Variants in LRRC7 observed in about 807,000 individuals in gnomAD.
LRRC7 encodes the protein leucine-rich repeat-containing protein 7.
Under a neutral mutation model 175.7 loss-of-function variants are expected in LRRC7, and 23 were observed. The ratio of observed to expected loss-of-function variants is 0.13; its 90% confidence interval spans 0.09 to 0.19. LRRC7 has a LOEUF of 0.19. Among genes scored for constraint, LRRC7 ranks in the 10% least tolerant of loss-of-function variants. The pLI, the probability that LRRC7 is intolerant of heterozygous loss-of-function variation, is 1.00. For missense variants in LRRC7, 1,354 were observed against 1,904.7 expected (o/e 0.71, Z 5.38); for synonymous variants, 685 against 680.9 (o/e 1.01, Z -0.09).
At position 70,032,395 on chromosome 1, in the gene LRRC7, TA is replaced by T. The variant is rs569370875; in HGVS notation, c.1996-3715del. ...TTTCTGATCCTTGGTTTCTTTATCTTAAAAAAAAAAAGCACAAAACAGAAAA... is the reference window on the plus strand; with the variant it reads ...TTTCTGATCCTTGGTTTCTTTATCTTAAAAAAAAAAGCACAAAACAGAAAA... On this transcript the variant is annotated intron_variant, in intron 18 of 26. Coordinates refer to ENST00000651989, the MANE Select transcript of LRRC7 (RefSeq NM_001370785.2). Among the ~76,000 whole-genome samples, 147 of 145,016 alleles carry T rather than the reference TA, an allele frequency of 1.0e-3. No individual in the cohort carries two copies. The Middle Eastern group carries it at 0.01, about 10-fold the overall frequency.
intron 2 of LRRC7, among the ~76,000 whole-genome samples, chr1:69,721,848 T>G (rs971487521): frequency 6.6e-6 from 1 of 151,926 alleles, no homozygotes; most frequent in Non-Finnish European, 1.5e-5. Flanking sequence ...AAAAGTATTT[T>G]ATTGTGTGAA....
chr1:69,944,939 T>G (rs562857191), intron 8 of LRRC7, among the ~76,000 whole-genome samples: 3 of 152,112 alleles, frequency 2.0e-5, no homozygotes, highest in Admixed American at 6.6e-5. Context: ...TTGCAAATAC[T>G]TTCTCCCATT....
chr1:69,707,050 G>T (rs1455231974), intron 2 of LRRC7, among the ~76,000 whole-genome samples: 1 of 152,204 alleles, frequency 6.6e-6, no homozygotes, highest in Admixed American at 6.5e-5. Context: ...TTTAGAGTGT[G>T]GTAGGATGTG....
At chr1:69,775,398 T>C (rs1672704998) in intron 3 of LRRC7, among the ~76,000 whole-genome samples, 1 of 152,200 alleles carries the variant, frequency 6.6e-6, no homozygotes, top group Admixed American at 6.5e-5. Context: ...CCCTGTCAAC[T>C]CCGAAAGGCT....
chr1:69,691,172 T>C (rs1170374263), intron 2 of LRRC7, among the ~76,000 whole-genome samples: 3 of 152,290 alleles, frequency 2.0e-5, no homozygotes, highest in East Asian at 1.9e-4. Context: ...GTGTTTAACA[T>C]TGAATGGGCT....
rs372306265 is a variant in LRRC7 at position 70,098,667 on chromosome 1, T to C, written c.4545+8848T>C. Among the ~76,000 whole-genome samples the C allele has an allele frequency of 4.2e-3, 639 of 151,674 alleles. 8 individuals are homozygous for C. The highest frequency in any genetic ancestry group is 0.015 in the African/African-American group (614 of 41,112). On this transcript the variant is annotated intron_variant, in intron 25 of 26. Transcript: ENST00000651989. ...ACCACTGATCCCACAGAAATACAAA[T>C]TACCATCAGAGAATACTACAAACAC... is the stretch of plus-strand genomic sequence containing the variant.
At chr1:69,735,184 G>T (rs1667980394) in intron 2 of LRRC7, among the ~76,000 whole-genome samples, 1 of 151,904 alleles carries the variant, frequency 6.6e-6, no homozygotes, top group Non-Finnish European at 1.5e-5. Flanking sequence ...AAGAAAATTT[G>T]TAATAATTCC....
chr1:69,796,153 G>A (rs1675739440), intron 4 of LRRC7, among the ~76,000 whole-genome samples: 3 of 120,502 alleles, frequency 2.5e-5, no homozygotes, highest in African/African-American at 3.3e-5. Context: ...GGTGTGTGAT[G>A]TTCCCCTTCC....
chr1:69,765,841 A>G (rs1192314144), intron 3 of LRRC7, among the ~76,000 whole-genome samples: 2 of 152,054 alleles, frequency 1.3e-5, no homozygotes, highest in African/African-American at 4.8e-5. Flanking sequence ...TAACCATCAT[A>G]GTTACTTTCT....
intron 3 of LRRC7, among the ~76,000 whole-genome samples, chr1:69,761,091 G>A (rs1670990188): frequency 6.6e-6 from 1 of 151,972 alleles, no homozygotes; most frequent in Non-Finnish European, 1.5e-5. Context: ...GATGATAAGA[G>A]ATTAGCTAAA....
intron 17 of LRRC7, among the ~76,000 whole-genome samples, chr1:70,024,872 A>G (rs1008304503): frequency 2.0e-5 from 3 of 152,190 alleles, no homozygotes; most frequent in African/African-American, 7.2e-5. Context: ...ACATAATACA[A>G]TGATAAATTA....
chr1:69,637,631 TG>T (rs1413970205), intron 1 of LRRC7, among the ~76,000 whole-genome samples: 3 of 151,986 alleles, frequency 2.0e-5, no homozygotes, highest in Non-Finnish European at 2.9e-5. Context: ...CTCAGGGTTA[TG>T]AAATACACGT....
intron 7 of LRRC7, among the ~76,000 whole-genome samples, chr1:69,849,020 C>A (rs1682684859): frequency 6.6e-6 from 1 of 152,034 alleles, no homozygotes; most frequent in Admixed American, 6.6e-5. Flanking sequence ...CTTTACCTAA[C>A]TACTTTGCAT....
Position 70,067,033 on chromosome 1 carries a change from G to A in LRRC7, c.4231-9044G>A, listed in dbSNP as rs914564832. Among the ~76,000 whole-genome samples, 5 of 152,116 alleles carry A rather than the reference G, an allele frequency of 3.3e-5. No homozygotes were observed. The East Asian group carries it at 7.7e-4, about 23-fold the overall frequency. On this transcript the variant is annotated intron_variant, in intron 23 of 26. Coordinates refer to ENST00000651989, the MANE Select transcript of LRRC7 (RefSeq NM_001370785.2). ...TTCAATTTCCATAATGACTAATAAC[G>A]TTGAACATCTTTTTATGTACTTATT...
intron 7 of LRRC7, among the ~76,000 whole-genome samples, chr1:69,852,757 G>A (rs546816710): frequency 1.3e-5 from 2 of 152,162 alleles, no homozygotes; most frequent in Admixed American, 6.5e-5. Context: ...ATATTCTTAG[G>A]TGATGTTTCC....
At chr1:69,957,577 T>G (rs1650628641) in intron 8 of LRRC7, among the ~76,000 whole-genome samples, 1 of 151,888 alleles carries the variant, frequency 6.6e-6, no homozygotes, top group Admixed American at 6.6e-5. Context: ...ATACTAGATA[T>G]TGATTACCAA....
chr1:69,838,133 T>C (rs1322242284), intron 6 of LRRC7, 94 bp from the exon 7 acceptor site: 1 of 735,280 alleles, frequency 1.4e-6, no homozygotes, highest in East Asian at 2.7e-5. Flanking sequence ...TTGTTAACCA[T>C]AGTAACCCTA....
chr1:69,626,384 TAAAAA>T (rs10546011), intron 1 of LRRC7, among the ~76,000 whole-genome samples: 1 of 130,114 alleles, frequency 7.7e-6, no homozygotes, highest in African/African-American at 2.9e-5. Flanking sequence ...ACTTAGAATC[TAAAAA>T]AAAAAAAAAA....
At chr1:70,078,058 T>C (rs978556869) in intron 24 of LRRC7, among the ~76,000 whole-genome samples, 2 of 152,214 alleles carry the variant, frequency 1.3e-5, no homozygotes, top group African/African-American at 4.8e-5. Context: ...CATTTCAAAA[T>C]AGCTAGAAGT....
Sources: gnomAD v4.1 joint callset for allele counts (sites outside exome capture counted in the v4.1 genomes callset) on GRCh38, gnomAD v4.1.1 for gene constraint, MANE v1.5 for transcripts, NCBI Gene and HGNC (gene_info 2026-07-23, HGNC 2026-07-21) for gene names.